The following CDH13 variants were observed in gnomAD, a reference collection of about 807,000 sequenced individuals.
CDH13 encodes the protein cadherin 13.
A neutral mutation model predicts 63.8 loss-of-function variants in CDH13; 24 were observed. The ratio of observed to expected loss-of-function variants is 0.38; its 90% confidence interval spans 0.27 to 0.53. CDH13 has a LOEUF of 0.53. CDH13 is among the 20% of genes least tolerant of loss of function. The pLI is 0.85. For synonymous variants in CDH13, 503 were observed against 355.3 expected (o/e 1.42, Z -4.67); for missense variants, 1,049 against 903.1 (o/e 1.16, Z -2.07).
chr16:83,272,738 C>T (rs2088863371), intron 5 of CDH13, among the ~76,000 whole-genome samples: 1 of 152,108 alleles, frequency 6.6e-6, no homozygotes, highest in African/African-American at 2.4e-5. Context: ...GGACACACTT[C>T]AGTAGCTTTC....
chr16:83,663,716 T>C (rs1913663104), intron 8 of CDH13, among the ~76,000 whole-genome samples: 1 of 152,176 alleles, frequency 6.6e-6, no homozygotes, highest in Non-Finnish European at 1.5e-5. Flanking sequence ...CCAAGTTCTT[T>C]CTGTTCATGG....
At position 82,894,928 on chromosome 16, in the gene CDH13, T is replaced by A. The variant is rs546293720; in HGVS notation, c.157+36455T>A. On this transcript the variant is annotated intron_variant, in intron 2 of 13. Coordinates refer to ENST00000567109, the MANE Select transcript of CDH13 (RefSeq NM_001257.5). ...CCAGGCTAGGGAGTCGTGAGCAAGG[T>A]GGCGGATGGGAAAGGTGGGGACACA... 3.3e-5 allele frequency among the ~76,000 whole-genome samples: 5 copies of A among 152,012 alleles called. No individual in the cohort carries two copies. In the South Asian group the frequency reaches 1.0e-3, roughly 32 times the overall value.
At chr16:83,294,012 G>T (rs1597683677) in intron 5 of CDH13, among the ~76,000 whole-genome samples, 1 of 152,274 alleles carries the variant, frequency 6.6e-6, no homozygotes, top group South Asian at 2.1e-4. Flanking sequence ...ACTACCCCAA[G>T]TTGTGTAGCT....
At chr16:83,783,554 A>G (rs1168907666) in intron 13 of CDH13, 82 bp downstream of exon 13, 3 of 1,004,818 alleles carry the variant, frequency 3.0e-6, no homozygotes, top group East Asian at 4.8e-5. Flanking sequence ...TTTCCCATAT[A>G]CCTTTCCAAG....
At chr16:82,792,372 G>A (rs2036354492) in intron 1 of CDH13, among the ~76,000 whole-genome samples, 1 of 152,134 alleles carries the variant, frequency 6.6e-6, no homozygotes, top group African/African-American at 2.4e-5. Context: ...GTGCGTGGGT[G>A]TGTGTGTGGG....
intron 7 of CDH13, among the ~76,000 whole-genome samples, chr16:83,488,008 G>C (rs2073930527): frequency 3.3e-5 from 5 of 152,200 alleles, no homozygotes; most frequent in Admixed American, 2.0e-4. Context: ...TAATTAGGTT[G>C]TCATTTGTCT....
intron 8 of CDH13, among the ~76,000 whole-genome samples, chr16:83,620,366 G>A (rs1909695878): frequency 7.3e-6 from 1 of 137,154 alleles, no homozygotes; most frequent in African/African-American, 2.7e-5. Context: ...ACTACAACCT[G>A]TCGACAGAGC....
chr16:83,769,023 G>T (rs1387628634), intron 11 of CDH13, among the ~76,000 whole-genome samples: 1 of 152,092 alleles, frequency 6.6e-6, no homozygotes, highest in African/African-American at 2.4e-5. Flanking sequence ...TTGACCACAG[G>T]GTCACAGAAC....
intron 7 of CDH13, among the ~76,000 whole-genome samples, chr16:83,543,989 A>G (rs1018636919): frequency 1.3e-5 from 2 of 152,236 alleles, no homozygotes; most frequent in South Asian, 2.1e-4. Context: ...TTGTTGTTCC[A>G]TATCCAGCTG....
chr16:83,154,143 G>A (rs1033834349), intron 4 of CDH13, among the ~76,000 whole-genome samples: 5 of 152,142 alleles, frequency 3.3e-5, no homozygotes, highest in Non-Finnish European at 7.3e-5. Context: ...TAAAGACCAT[G>A]CTACGGTTCT....
At chr16:83,037,410 C>T (rs1916959033) in intron 3 of CDH13, among the ~76,000 whole-genome samples, 1 of 152,176 alleles carries the variant, frequency 6.6e-6, no homozygotes, top group African/African-American at 2.4e-5. Flanking sequence ...GGGGAGGCTG[C>T]TGCCATTGCC....
intron 6 of CDH13, among the ~76,000 whole-genome samples, chr16:83,431,188 G>C (rs2072092907): frequency 6.6e-6 from 1 of 151,824 alleles, no homozygotes; most frequent in Non-Finnish European, 1.5e-5. Flanking sequence ...TGGTGTATAT[G>C]TGCCACATTT....
intron 2 of CDH13, among the ~76,000 whole-genome samples, chr16:82,959,301 C>G (rs1044088675): frequency 1.3e-5 from 2 of 152,226 alleles, no homozygotes; most frequent in Non-Finnish European, 2.9e-5. Context: ...ATTCATTTCA[C>G]TCAAACCTGC....
intron 1 of CDH13, among the ~76,000 whole-genome samples, chr16:82,641,552 T>C (rs772734026): frequency 6.6e-6 from 1 of 152,212 alleles, no homozygotes; most frequent in Non-Finnish European, 1.5e-5. Flanking sequence ...CCTAGAATGC[T>C]ACCTTAGGGC....
Position 83,047,860 on chromosome 16 carries a change from C to G in CDH13, c.366+15642C>G, listed in dbSNP as rs566471867. Among the ~76,000 whole-genome samples, 6 of 152,116 alleles carry G rather than the reference C, an allele frequency of 3.9e-5. No individual in the cohort carries two copies. Among genetic ancestry groups the G allele is most frequent in the Non-Finnish European group, 7.4e-5 (5 of 68,020 alleles). On this transcript the variant is annotated intron_variant, in intron 3 of 13. Transcript: ENST00000567109. This position sits in a 1 kb window ranked among gnomAD's most constrained non-coding sequence, Gnocchi z 4.9. ...TTATAATAACTCTATAATATAGGTCCTATTTTATCTTCATTTTACAGGTGA... is the reference window on the plus strand; with the variant it reads ...TTATAATAACTCTATAATATAGGTCGTATTTTATCTTCATTTTACAGGTGA...
chr16:83,749,885 G>A (rs1645844), intron 11 of CDH13, among the ~76,000 whole-genome samples: 37,482 of 152,072 alleles, frequency 0.25, 5,082 homozygotes, highest in Non-Finnish European at 0.32. Flanking sequence ...TCTCACCTGC[G>A]TGATGAAGGA....
At chr16:83,310,755 TA>T (rs1323302709) in intron 5 of CDH13, among the ~76,000 whole-genome samples, 1 of 152,182 alleles carries the variant, frequency 6.6e-6, no homozygotes, top group Non-Finnish European at 1.5e-5. Flanking sequence ...GCCCTAGAGC[TA>T]AAATTCCCTC....
At chr16:83,426,853 GC>G (rs1390305093) in intron 6 of CDH13, among the ~76,000 whole-genome samples, 2 of 146,764 alleles carry the variant, frequency 1.4e-5, no homozygotes, top group Non-Finnish European at 3.0e-5. Context: ...CACAGTAATG[GC>G]CCCCCAAATA....
intron 4 of CDH13, among the ~76,000 whole-genome samples, chr16:83,205,519 A>G (rs560212173): frequency 6.6e-6 from 1 of 152,292 alleles, no homozygotes; most frequent in East Asian, 1.9e-4. Flanking sequence ...TGGAAGTCAG[A>G]AATGATCAAT....
Sources: allele counts gnomAD v4.1 joint callset (sites outside exome capture counted in the v4.1 genomes callset), GRCh38; gene constraint gnomAD v4.1.1; non-coding constraint Gnocchi (gnomAD v3.1); transcripts MANE v1.5; gene names NCBI Gene and HGNC (gene_info 2026-07-23, HGNC 2026-07-21).